SMG6: variants seen among roughly 807,000 people sequenced by gnomAD.
SMG6 encodes SMG6 nonsense mediated mRNA decay factor.
SMG6 carries 66 observed loss-of-function variants against 142.2 expected under a neutral mutation model. That is an observed-to-expected ratio of 0.46 (90% CI 0.38 to 0.57). SMG6 has a LOEUF of 0.57. Among genes scored for constraint, SMG6 ranks in the 20% least tolerant of loss-of-function variants. The probability of loss-of-function intolerance (pLI) is 0.00; values close to 1 mark genes in which losing one functional copy is unlikely to be tolerated. For synonymous variants in SMG6, 779 were observed against 702.4 expected, an observed-to-expected ratio of 1.11 and a Z score of -1.72; for missense variants, 1,793 against 1,832.0, an observed-to-expected ratio of 0.98 and a Z score of 0.39.
chr17:2,256,490 G>A (rs67298622), intron 8 of SMG6, among the ~76,000 whole-genome samples: 14,837 of 152,148 alleles, frequency 0.098, 796 homozygotes, highest in African/African-American at 0.11. Flanking sequence ...GGCCAAGCAC[G>A]GTGGGTCACG....
At chr17:2,283,758 T>G (rs747701225) in intron 6 of SMG6, 23 bp from the exon 7 acceptor site, 2 of 1,588,056 alleles carry the variant, frequency 1.3e-6, no homozygotes, top group Admixed American at 3.3e-5. Context: ...GCCAGAGACA[T>G]TCAGTCAACC....
At chr17:2,080,915 G>A (rs888962524) in intron 15 of SMG6, among the ~76,000 whole-genome samples, 33 of 152,194 alleles carry the variant, frequency 2.2e-4, no homozygotes, top group Non-Finnish European at 2.2e-4. Flanking sequence ...GATGACAGGC[G>A]TGAGCCACCG....
chr17:2,112,755 C>CT (rs1189843396), intron 13 of SMG6, among the ~76,000 whole-genome samples: 1,624 of 130,192 alleles, frequency 0.012, 36 homozygotes, highest in African/African-American at 0.033. Context: ...GAGCTCCAAA[C>CT]TTTTTTTTTT....
At chr17:2,259,326 A>G (rs2074261487) in intron 8 of SMG6, among the ~76,000 whole-genome samples, 1 of 152,216 alleles carries the variant, frequency 6.6e-6, no homozygotes, top group Admixed American at 6.5e-5. Flanking sequence ...AAATAGTATC[A>G]GTAAGAAGAG....
chr17:2,266,086 A>G (rs900987812), intron 8 of SMG6: 2 of 985,300 alleles, frequency 2.0e-6, no homozygotes, highest in Non-Finnish European at 1.2e-6. Flanking sequence ...AGGATCTAGT[A>G]CTTTCTGTTC....
intron 10 of SMG6, among the ~76,000 whole-genome samples, chr17:2,189,040 CCCT>C (rs907648852): frequency 2.0e-5 from 3 of 152,198 alleles, no homozygotes; most frequent in Non-Finnish European, 4.4e-5. Flanking sequence ...TCCTCCATGT[CCCT>C]CCTCCTAAGA....
chr17:2,247,143 G>T (rs2073945023), intron 8 of SMG6, among the ~76,000 whole-genome samples: 1 of 152,136 alleles, frequency 6.6e-6, no homozygotes, highest in African/African-American at 2.4e-5. Context: ...TACCTGCGGT[G>T]GGATCTTAGG....
At chr17:2,244,530 G>A in intron 9 of SMG6, 128 bp downstream of exon 9, 1 of 671,344 alleles carries the variant, frequency 1.5e-6, no homozygotes, top group South Asian at 1.8e-5. Flanking sequence ...GAAGAGAAGA[G>A]AAGGTGGAGG....
At chr17:2,285,396 T>A (rs1597785907) in intron 6 of SMG6, among the ~76,000 whole-genome samples, 1 of 152,096 alleles carries the variant, frequency 6.6e-6, no homozygotes, top group Non-Finnish European at 1.5e-5. Context: ...CGAATCTAGG[T>A]CAGAGGTCTG....
intron 15 of SMG6, among the ~76,000 whole-genome samples, chr17:2,081,438 T>C (rs1477005349): frequency 6.6e-6 from 1 of 152,110 alleles, no homozygotes; most frequent in Non-Finnish European, 1.5e-5. Context: ...GAACAGGCGT[T>C]CTGAAGTAAG....
chr17:2,111,823 A>T (rs2069330448), intron 13 of SMG6, among the ~76,000 whole-genome samples: 1 of 152,304 alleles, frequency 6.6e-6, no homozygotes, highest in East Asian at 1.9e-4. Context: ...TTTCCAGCTC[A>T]GCCTGGTGAG....
chr17:2,216,287 A>AT (rs940679960), intron 10 of SMG6, among the ~76,000 whole-genome samples: 12 of 151,794 alleles, frequency 7.9e-5, no homozygotes, highest in East Asian at 3.9e-4. Flanking sequence ...GGTAATAGGA[A>AT]TTTTTTTTAC....
chr17:2,209,698 A>G (rs990525077), intron 10 of SMG6, among the ~76,000 whole-genome samples: 2 of 152,014 alleles, frequency 1.3e-5, no homozygotes, highest in Non-Finnish European at 2.9e-5. Flanking sequence ...AAGGAGTTTC[A>G]CCATGTTGGC....
chr17:2,131,481 G>A (rs779790742), intron 13 of SMG6, among the ~76,000 whole-genome samples: 5 of 151,932 alleles, frequency 3.3e-5, no homozygotes, highest in Admixed American at 6.6e-5. Context: ...TGTATTTTTA[G>A]TAGAGACTGG....
intron 13 of SMG6, among the ~76,000 whole-genome samples, chr17:2,146,224 T>C (rs1041357964): frequency 6.6e-6 from 1 of 152,224 alleles, no homozygotes; most frequent in East Asian, 1.9e-4. Flanking sequence ...GGTAAATATT[T>C]GTTAGATTAC....
intron 6 of SMG6, among the ~76,000 whole-genome samples, chr17:2,290,959 A>G (rs2075017778): frequency 6.6e-6 from 1 of 152,214 alleles, no homozygotes; most frequent in African/African-American, 2.4e-5. Context: ...GACAGAAATC[A>G]GACTAGTGGT....
Position 2,188,432 on chromosome 17 carries a change from G to T in SMG6, c.2953C>A (p.Arg985Ser). ...GACTCCTTAAGTAAGCAGGTGCAGCGGCGGACCAGTAGAGAAAACATGGCC... is the reference window on the plus strand; with the variant it reads ...GACTCCTTAAGTAAGCAGGTGCAGCTGCGGACCAGTAGAGAAAACATGGCC... ...GLAMFSLLVR[R>S]CTCLLKESAK... Residue 985 changes from arginine (R) to serine (S), a missense_variant, in exon 11 of 19, where the codon CGC becomes AGC. Physicochemically the swap from Arg to Ser is moderately radical, Grantham distance 110 (BLOSUM62 -1). This residue lies in a region of SMG6 where 1,597 missense variants were observed against 1,584.6 expected (regional missense o/e 1.01). Transcript: ENST00000263073. The T allele has an allele frequency of 6.2e-7, 1 of 1,614,054 alleles. No individual in the cohort carries two copies. Among genetic ancestry groups the T allele is most frequent in the Non-Finnish European group, 8.5e-7 (1 of 1,179,988 alleles).
chr17:2,223,825 T>C (rs1455672418), intron 10 of SMG6, among the ~76,000 whole-genome samples: 9 of 152,032 alleles, frequency 5.9e-5, no homozygotes, highest in Non-Finnish European at 1.3e-4. Flanking sequence ...GGGCAGGAGC[T>C]GGAAAAGAAA....
chr17:2,172,483 T>C (rs1196854572), intron 13 of SMG6, among the ~76,000 whole-genome samples, 175 bp downstream of exon 13: 1 of 152,122 alleles, frequency 6.6e-6, no homozygotes, highest in East Asian at 1.9e-4. Flanking sequence ...AGAGGGCTTT[T>C]TTTTTTCAGG....
Sources: gnomAD v4.1 joint callset for allele counts (sites outside exome capture counted in the v4.1 genomes callset) on GRCh38, gnomAD v4.1.1 for gene constraint, gnomAD v4.1.1 regional missense constraint, MANE v1.5 for transcripts, NCBI Gene and HGNC (gene_info 2026-07-23, HGNC 2026-07-21) for gene names.